Variants in SUPT3H observed in about 807,000 individuals in gnomAD.
SUPT3H encodes SPT3 homolog, SAGA and STAGA complex component.
A neutral mutation model predicts 44.3 loss-of-function variants in SUPT3H; 44 were observed. The ratio of observed to expected loss-of-function variants is 0.99; its 90% CI spans 0.78 to 1.28. SUPT3H has a LOEUF of 1.28. SUPT3H is among the 50% of genes most tolerant of loss of function. The pLI, the probability that SUPT3H is intolerant of heterozygous loss-of-function variation, is 0.00. For synonymous variants in SUPT3H, 124 were observed against 125.6 expected, an observed-to-expected ratio of 0.99 and a Z score of 0.09; for missense variants, 380 against 387.1, an observed-to-expected ratio of 0.98 and a Z score of 0.15.
Position 44,932,712 on chromosome 6 carries a change from G to A in SUPT3H, c.853C>T (p.His285Tyr). Residue 285 changes from histidine to tyrosine, a missense_variant, in exon 10 of 11, where the codon CAC becomes TAC. By Grantham distance (83) the His-to-Tyr change is moderately conservative. Coordinates refer to ENST00000371459, the MANE Select transcript of SUPT3H (RefSeq NM_003599.4). ...TAGCGTCGAATGGCCTCTCTGATGT[G>A]GCAGGGCTGGATGGCATCGCTGTGA... is the stretch of plus-strand genomic sequence containing the variant. ...EAHSDAIQPC[H>Y]IREAIRRYSH... The A allele has an allele frequency of 6.2e-7, 1 of 1,611,466 alleles. No homozygotes were observed.
At chr6:44,906,719 G>T (rs993628390) in intron 10 of SUPT3H, among the ~76,000 whole-genome samples, 1 of 152,096 alleles carries the variant, frequency 6.6e-6, no homozygotes, top group African/African-American at 2.4e-5. Context: ...CCGAGACTGC[G>T]CCACTGCACT....
At chr6:44,954,445 T>A (rs772332454) in intron 8 of SUPT3H, 50 bp downstream of exon 8, 2 of 1,320,568 alleles carry the variant, frequency 1.5e-6, no homozygotes, top group Non-Finnish European at 2.2e-6. Context: ...TGGGCAGAGA[T>A]AAAGAAAAAC....
chr6:45,320,421 G>A (rs1446046120), intron 2 of SUPT3H, among the ~76,000 whole-genome samples: 1 of 151,536 alleles, frequency 6.6e-6, no homozygotes, highest in Non-Finnish European at 1.5e-5. Context: ...ACGTCACCAT[G>A]CCTGGCTAAT....
At chr6:45,077,492 T>A (rs1795149463) in intron 3 of SUPT3H, among the ~76,000 whole-genome samples, 1 of 151,738 alleles carries the variant, frequency 6.6e-6, no homozygotes, top group Non-Finnish European at 1.5e-5. Context: ...CCAGGTGTGG[T>A]GGCCTGTGCC....
chr6:44,947,410 T>G (rs558122939), intron 9 of SUPT3H, among the ~76,000 whole-genome samples: 1 of 152,268 alleles, frequency 6.6e-6, no homozygotes, highest in Admixed American at 6.5e-5. Flanking sequence ...GCATTTTCAG[T>G]AATAAAAAGA....
intron 6 of SUPT3H, among the ~76,000 whole-genome samples, chr6:44,972,648 G>C (rs764117896): frequency 6.6e-6 from 1 of 152,156 alleles, no homozygotes; most frequent in Non-Finnish European, 1.5e-5. Flanking sequence ...GGTTTTCCAG[G>C]AGGGCTCTGC....
At chr6:45,082,384 C>T (rs1289464124) in intron 3 of SUPT3H, among the ~76,000 whole-genome samples, 2 of 152,038 alleles carry the variant, frequency 1.3e-5, no homozygotes, top group Non-Finnish European at 2.9e-5. Context: ...CAATTGTAGA[C>T]ACAAAAATCA....
At chr6:44,934,563 A>C (rs1208488919) in intron 9 of SUPT3H, among the ~76,000 whole-genome samples, 1 of 152,204 alleles carries the variant, frequency 6.6e-6, no homozygotes, top group Non-Finnish European at 1.5e-5. Context: ...CAAGCCCACA[A>C]AGTGATGGTA....
At chr6:45,032,830 C>G (rs1352505785) in intron 3 of SUPT3H, among the ~76,000 whole-genome samples, 1 of 152,126 alleles carries the variant, frequency 6.6e-6, no homozygotes, top group African/African-American at 2.4e-5. Flanking sequence ...ACAAAGCTCT[C>G]TTTATAAGAA....
chr6:45,244,472 T>C (rs1469677665), intron 2 of SUPT3H, among the ~76,000 whole-genome samples: 1 of 152,216 alleles, frequency 6.6e-6, no homozygotes, highest in Non-Finnish European at 1.5e-5. Flanking sequence ...TCCTTCATTA[T>C]TTAAATCTTA....
At chr6:45,047,900 A>G (rs1181328281) in intron 3 of SUPT3H, among the ~76,000 whole-genome samples, 1 of 151,454 alleles carries the variant, frequency 6.6e-6, no homozygotes, top group Non-Finnish European at 1.5e-5. Context: ...TTATTTTGAG[A>G]TATGTCTATA....
At chr6:45,236,620 T>C (rs1183829259) in intron 2 of SUPT3H, among the ~76,000 whole-genome samples, 1 of 151,926 alleles carries the variant, frequency 6.6e-6, no homozygotes, top group Non-Finnish European at 1.5e-5. Flanking sequence ...TGAAAAGTAG[T>C]TGCCCCAGTG....
intron 6 of SUPT3H, among the ~76,000 whole-genome samples, chr6:44,965,729 T>G (rs2153479804): frequency 6.6e-6 from 1 of 152,326 alleles, no homozygotes; most frequent in Middle Eastern, 3.4e-3. Context: ...TTTGGCCATA[T>G]GATCCAAATA....
At chr6:44,961,866 C>A (rs1252755087) in intron 6 of SUPT3H, 38 bp from the exon 7 acceptor site, 3 of 1,483,862 alleles carry the variant, frequency 2.0e-6, no homozygotes, top group Non-Finnish European at 2.8e-6. Flanking sequence ...TTAAAGCAAG[C>A]AGATTATTAT....
At chr6:45,086,553 T>C (rs1426976924) in intron 3 of SUPT3H, among the ~76,000 whole-genome samples, 1 of 152,030 alleles carries the variant, frequency 6.6e-6, no homozygotes, top group Non-Finnish European at 1.5e-5. Flanking sequence ...AATCAGCCAC[T>C]TAGACACGTA....
At chr6:45,101,824 T>A (rs116191913) in intron 3 of SUPT3H, among the ~76,000 whole-genome samples, 2,665 of 151,524 alleles carry the variant, frequency 0.018, 50 homozygotes, top group South Asian at 0.085. Flanking sequence ...AACCTGGCAG[T>A]GAGTTTCATT....
At chr6:45,328,343 A>G (rs778914485) in intron 2 of SUPT3H, 2 of 1,379,288 alleles carry the variant, frequency 1.5e-6, no homozygotes, top group Admixed American at 1.9e-5. Context: ...CGCCTCACAA[A>G]CAACCACAGA....
At chr6:45,186,365 T>G (rs1330156673) in intron 2 of SUPT3H, among the ~76,000 whole-genome samples, 1 of 152,134 alleles carries the variant, frequency 6.6e-6, no homozygotes, top group African/African-American at 2.4e-5. Context: ...GACAGGATTT[T>G]AAAGTAACCA....
intron 2 of SUPT3H, among the ~76,000 whole-genome samples, chr6:45,213,037 A>G (rs924390604): frequency 6.6e-6 from 1 of 152,232 alleles, no homozygotes; most frequent in Non-Finnish European, 1.5e-5. Context: ...TAGCCAAACA[A>G]ATGACACCAA....
Sources: allele counts gnomAD v4.1 joint callset (sites outside exome capture counted in the v4.1 genomes callset), GRCh38; gene constraint gnomAD v4.1.1; transcripts MANE v1.5; gene names NCBI Gene and HGNC (gene_info 2026-07-23, HGNC 2026-07-21).